Variants in MYO9A observed in about 807,000 individuals in gnomAD.
MYO9A encodes unconventional myosin-IXa.
A neutral mutation model predicts 293.3 loss-of-function variants in MYO9A; 103 were observed. That is an observed-to-expected ratio of 0.35 (90% CI 0.30 to 0.41). The LOEUF is 0.41. Among genes scored for constraint, MYO9A ranks in the 10% least tolerant of loss-of-function variants. MYO9A has a pLI of 1.00. For synonymous variants in MYO9A, 1,001 were observed against 1,035.7 expected (o/e 0.97, Z 0.64); for missense variants, 2,685 against 3,033.0 (o/e 0.89, Z 2.69).
chr15:72,003,900 A>G (rs1567372524), intron 8 of MYO9A, among the ~76,000 whole-genome samples: 1 of 152,178 alleles, frequency 6.6e-6, no homozygotes. Context: ...CTTGAGGAAC[A>G]TATTATTCTC....
intron 1 of MYO9A, among the ~76,000 whole-genome samples, chr15:72,073,836 A>T (rs929188428): frequency 1.2e-4 from 18 of 152,160 alleles, no homozygotes; most frequent in African/African-American, 4.3e-4. Flanking sequence ...AGACTCCACA[A>T]ATTTTTGAAA....
chr15:71,964,035 A>T (rs1405124374), intron 13 of MYO9A, among the ~76,000 whole-genome samples: 1 of 152,156 alleles, frequency 6.6e-6, no homozygotes, highest in Non-Finnish European at 1.5e-5. Flanking sequence ...AATGGAATTT[A>T]TCCATTTTTT....
chr15:71,991,636 T>C (rs1035103859), intron 10 of MYO9A, among the ~76,000 whole-genome samples: 2 of 152,214 alleles, frequency 1.3e-5, no homozygotes, highest in African/African-American at 2.4e-5. Flanking sequence ...AAGAGGACAA[T>C]GCAATTTTTC....
intron 8 of MYO9A, among the ~76,000 whole-genome samples, chr15:72,001,292 C>T (rs936895055): frequency 1.3e-5 from 2 of 152,044 alleles, no homozygotes; most frequent in Admixed American, 6.6e-5. Flanking sequence ...TGGTAGCTCA[C>T]GACTGTACTC....
At chr15:71,959,264 T>G (rs1217693960) in intron 14 of MYO9A, 1 of 152,240 alleles carries the variant, frequency 6.6e-6, no homozygotes, top group Non-Finnish European at 1.5e-5. Flanking sequence ...CTCTCAAATA[T>G]ATCTATTTGT....
intron 6 of MYO9A, among the ~76,000 whole-genome samples, chr15:72,016,760 T>C (rs192488915): frequency 6.7e-4 from 102 of 152,226 alleles, no homozygotes; most frequent in African/African-American, 2.4e-3. Context: ...GTGATGAAAG[T>C]ATGATTAAGG....
chr15:72,063,967 T>G (rs996126821), intron 1 of MYO9A, among the ~76,000 whole-genome samples: 47 of 152,140 alleles, frequency 3.1e-4, no homozygotes, highest in African/African-American at 9.7e-4. Context: ...GAAGTAGTAT[T>G]CAGCCAGCCA....
intron 9 of MYO9A, among the ~76,000 whole-genome samples, chr15:71,998,535 T>TA (rs1454482892): frequency 6.7e-6 from 1 of 149,366 alleles, no homozygotes; most frequent in Non-Finnish European, 1.5e-5. Flanking sequence ...ATAAAACTCT[T>TA]AAAGATTTGG....
intron 11 of MYO9A, among the ~76,000 whole-genome samples, chr15:71,987,000 T>A (rs1006799436): frequency 5.3e-5 from 8 of 152,190 alleles, no homozygotes; most frequent in African/African-American, 1.9e-4. Flanking sequence ...ACTGTACTAT[T>A]TTTTATCTTT....
chr15:71,854,265 G>T, intron 35 of MYO9A, 112 bp downstream of exon 35: 1 of 854,296 alleles, frequency 1.2e-6, no homozygotes, highest in Non-Finnish European at 1.7e-6. Flanking sequence ...AGAAAAGAAT[G>T]CATTCTTCTG....
intron 3 of MYO9A, among the ~76,000 whole-genome samples, chr15:72,029,719 TA>T (rs2077802720): frequency 6.6e-6 from 1 of 152,214 alleles, no homozygotes; most frequent in African/African-American, 2.4e-5. Context: ...GTATATCTGA[TA>T]TTTTTTTCTC....
At chr15:71,950,652 C>T (rs1290679380) in intron 15 of MYO9A, among the ~76,000 whole-genome samples, 1 of 152,140 alleles carries the variant, frequency 6.6e-6, no homozygotes. Context: ...TGAGAAAATA[C>T]TTTAAATACT....
chr15:71,989,507 G>C (rs1353487694), intron 11 of MYO9A, among the ~76,000 whole-genome samples: 1 of 152,004 alleles, frequency 6.6e-6, no homozygotes, highest in East Asian at 1.9e-4. Context: ...TGTATCAGTA[G>C]TTTTGTATCA....
chr15:71,864,545 C>T (rs978256126), intron 32 of MYO9A, among the ~76,000 whole-genome samples: 6 of 152,138 alleles, frequency 3.9e-5, no homozygotes, highest in African/African-American at 1.4e-4. Flanking sequence ...TTCATAGTGG[C>T]ATTATTCATG....
At chr15:71,841,604 T>C (rs1382640998) in intron 39 of MYO9A, among the ~76,000 whole-genome samples, 1 of 152,000 alleles carries the variant, frequency 6.6e-6, no homozygotes, top group African/African-American at 2.4e-5. Flanking sequence ...GCTATTGAAT[T>C]CTGCTTGCTG....
At chr15:71,859,867 CT>C (rs1054268803) in intron 33 of MYO9A, 71 bp from the exon 34 acceptor site, 230 of 1,360,282 alleles carry the variant, frequency 1.7e-4, no homozygotes, top group Middle Eastern at 2.1e-4. Flanking sequence ...ATCAAGTATA[CT>C]TTATTTTAGA....
chr15:72,046,057 G>A lies in MYO9A; in HGVS notation c.507C>T (p.Arg169=), dbSNP rs2078375008. The A allele has an allele frequency of 1.9e-6, 3 of 1,613,524 alleles. No individual in the cohort carries two copies. The highest frequency in any genetic ancestry group is 1.1e-5 in the South Asian group (1 of 91,010). ...AGGTATAAATTTTTTCATGCTTAAA[G>A]CGATTTCGTAGGTTTTCTAAGAGAG... The part of the protein sequence containing the change: ...EKTLLENLRN[R]FKHEKIYTYV... Residue 169 remains arginine, a synonymous_variant, in exon 2 of 42, where the codon CGC becomes CGT. Transcript: ENST00000356056.
intron 1 of MYO9A, among the ~76,000 whole-genome samples, chr15:72,091,483 G>T (rs769944918): frequency 6.6e-6 from 1 of 151,922 alleles, no homozygotes; most frequent in African/African-American, 2.4e-5. Context: ...GAAAGAATAC[G>T]CAAGCCTAAC....
chr15:72,015,681 AG>A (rs2077311436), intron 6 of MYO9A, among the ~76,000 whole-genome samples: 2 of 139,414 alleles, frequency 1.4e-5, no homozygotes, highest in Admixed American at 1.5e-4. Context: ...TACTCAGATC[AG>A]GTTTTTTTTT....
Sources: gnomAD v4.1 joint callset for allele counts (sites outside exome capture counted in the v4.1 genomes callset) on GRCh38, gnomAD v4.1.1 for gene constraint, MANE v1.5 for transcripts, NCBI Gene and HGNC (gene_info 2026-07-23, HGNC 2026-07-21) for gene names.